The following ADCY7 variants were observed in gnomAD, a reference collection of about 807,000 sequenced individuals.
The protein encoded by ADCY7 is adenylate cyclase 7.
ADCY7 carries 72 observed loss-of-function variants against 120.6 expected under a neutral mutation model. That is an observed-to-expected ratio of 0.60 (90% CI 0.49 to 0.73). ADCY7 has a LOEUF of 0.73. Ranked by LOEUF, ADCY7 falls within the 30% of genes least tolerant of loss-of-function variation. ADCY7 has a pLI of 0.00. For missense variants in ADCY7, 1,227 were observed against 1,486.0 expected, an observed-to-expected ratio of 0.83 and a Z score of 2.87; for synonymous variants, 661 against 628.0, an observed-to-expected ratio of 1.05 and a Z score of -0.78.
chr16:50,291,572 A>G (rs527981875), intron 3 of ADCY7, among the ~76,000 whole-genome samples, 164 bp from the exon 4 acceptor site: 2 of 152,004 alleles, frequency 1.3e-5, no homozygotes, highest in African/African-American at 4.8e-5. Flanking sequence ...CTAGAAACAC[A>G]TTATGGCTTT....
intron 8 of ADCY7, among the ~76,000 whole-genome samples, chr16:50,299,902 C>CA (rs1380127831): frequency 5.3e-5 from 8 of 152,112 alleles, no homozygotes; most frequent in Non-Finnish European, 1.0e-4. Flanking sequence ...CCCTGTGCCC[C>CA]AAGGAAGCTC....
At chr16:50,293,989 TG>T (rs2035175409) in intron 6 of ADCY7, among the ~76,000 whole-genome samples, 1 of 151,902 alleles carries the variant, frequency 6.6e-6, no homozygotes, top group African/African-American at 2.4e-5. Context: ...TGCCGTTGAG[TG>T]TAGATGTGGG....
chr16:50,290,804 C>T, intron 3 of ADCY7, 144 bp downstream of exon 3: 1 of 870,708 alleles, frequency 1.1e-6, no homozygotes, highest in South Asian at 1.8e-5. Context: ...CCTGTGAGTT[C>T]TCTGCATTGA....
Position 50,315,598 on chromosome 16 carries a change from AGGCATGCAGAT to A in ADCY7, c.*97_*107del. On this transcript the variant is annotated 3_prime_UTR_variant, in exon 26 of 26. Transcript: ENST00000673801. ...ACTCTCCGCCCCACGCCAATCCCAA[AGGCATGCAGAT>A]GGCTGTGCATGTTGGCTTCTTTGGA... The A allele has an allele frequency of 6.7e-7, 1 of 1,492,306 alleles. No homozygotes were observed. Among genetic ancestry groups the A allele is most frequent in the South Asian group, 1.2e-5 (1 of 80,824 alleles). 92.4% of individuals were successfully genotyped at this position (1,492,306 alleles called of 1,614,324 possible). A position where few individuals can be genotyped will look rare whatever the true frequency, so the allele number is the denominator to read the frequency against.
At chr16:50,266,321 A>T (rs1310631030), upstream of ADCY7, among the ~76,000 whole-genome samples, 6 of 152,118 alleles carry the variant, frequency 3.9e-5, no homozygotes, top group Admixed American at 3.9e-4. Context: ...TTTTATTATT[A>T]TTTTTTCAAA....
At chr16:50,313,169 C>T (rs1596996589) in intron 22 of ADCY7, 133 bp downstream of exon 22, 7 of 1,274,936 alleles carry the variant, frequency 5.5e-6, no homozygotes, top group Non-Finnish European at 7.4e-6. Flanking sequence ...ATAATCCCAG[C>T]ACTTTGGGAG....
intron 7 of ADCY7, 138 bp from the exon 8 acceptor site, chr16:50,298,766 C>G: frequency 1.6e-6 from 2 of 1,255,932 alleles, no homozygotes; most frequent in South Asian, 1.4e-5. Context: ...AGAAGTGGCT[C>G]CTGGTGACTG....
intron 1 of ADCY7, among the ~76,000 whole-genome samples, chr16:50,282,805 G>A (rs899144517): frequency 4.0e-5 from 6 of 151,496 alleles, no homozygotes; most frequent in Non-Finnish European, 8.8e-5. Flanking sequence ...TGACCTCCTG[G>A]GTTCAAGCAA....
chr16:50,302,953 G>C (rs932859885), intron 10 of ADCY7, among the ~76,000 whole-genome samples: 7 of 152,244 alleles, frequency 4.6e-5, no homozygotes, highest in Admixed American at 1.3e-4. Flanking sequence ...GGGCAAGGTG[G>C]GCTCCTGTGG....
In ADCY7 at chr16:50,288,239, G is replaced by A. The variant is rs765896604; in HGVS notation, c.60G>A (p.Ala20=). The A allele has an allele frequency of 2.1e-5, 33 of 1,551,320 alleles. No individual in the cohort carries two copies. The highest frequency in any genetic ancestry group is 5.5e-5 in the African/African-American group (4 of 73,054). The change falls in exon 2 of 26, where the codon GCG becomes GCA. Residue 20 remains alanine (A), a synonymous_variant. Transcript: ENST00000673801. Reference sequence around the variant, plus strand: ...GCGAGGAGGGCCCTGACCAAGATGCGCTCTACGAGAAGTACCAGCTCACCA... The same window carrying A: ...GCGAGGAGGGCCCTGACCAAGATGCACTCTACGAGAAGTACCAGCTCACCA... ...NEGEEGPDQD[A]LYEKYQLTSQ...
At chr16:50,302,436 A>G (rs1339872654) in intron 10 of ADCY7, among the ~76,000 whole-genome samples, 4 of 152,202 alleles carry the variant, frequency 2.6e-5, no homozygotes, top group Non-Finnish European at 1.5e-5. Context: ...CAGGTTGAGC[A>G]GGGAAAACTG....
intron 1 of ADCY7, among the ~76,000 whole-genome samples, chr16:50,254,273 C>T (rs995896111): frequency 3.3e-5 from 5 of 152,194 alleles, no homozygotes; most frequent in Non-Finnish European, 7.3e-5. Flanking sequence ...TCCGCAGGCT[C>T]CAGCCCATGG....
At chr16:50,292,958 T>A in intron 5 of ADCY7, 133 bp downstream of exon 5, 9 of 1,158,252 alleles carry the variant, frequency 7.8e-6, no homozygotes, top group South Asian at 1.5e-5. Context: ...CCTCGGTGAG[T>A]CCTGGGCTCC....
chr16:50,250,649 A>T (rs965285329), intron 1 of ADCY7, among the ~76,000 whole-genome samples: 1 of 152,028 alleles, frequency 6.6e-6, no homozygotes, highest in African/African-American at 2.4e-5. Context: ...AAAATGCAGT[A>T]TGTGAGCATA....
intron 3 of ADCY7, among the ~76,000 whole-genome samples, chr16:50,291,343 C>G (rs569995921): frequency 3.8e-4 from 1 of 2,640 alleles, no homozygotes; most frequent in African/African-American, 2.3e-3. Context: ...TGGGGCAGCT[C>G]TGGGGGTGGA....
chr16:50,270,277 C>A (rs899676579), intron 1 of ADCY7, among the ~76,000 whole-genome samples: 1 of 152,168 alleles, frequency 6.6e-6, no homozygotes, highest in Non-Finnish European at 1.5e-5. Context: ...TTAGTTGGAA[C>A]TGGAGAATGA....
chr16:50,310,656 C>T (rs747545906), intron 18 of ADCY7, 31 bp from the exon 19 acceptor site: 1 of 1,609,730 alleles, frequency 6.2e-7, no homozygotes, highest in East Asian at 2.2e-5. Context: ...GGTGGGGTGG[C>T]CCTGTCCTGA....
At position 50,305,798 on chromosome 16, in the gene ADCY7, T is replaced by A. The variant is rs770863197; in HGVS notation, c.1701T>A (p.Asp567Glu). 1.2e-5 allele frequency: 19 copies of A among 1,613,970 alleles called. No individual in the cohort carries two copies. The South Asian group carries it at 2.1e-4, about 18-fold the overall frequency. ...SSTRPCCSKS[D>E]DFYTFGSIFL... is the part of the protein sequence containing the mutation. ...ACAGGCCCTGCTGCTCCAAGTCCGA[T>A]GACTTCTACACCTTTGGGTCCATCT... The change falls in exon 14 of 26, where the codon GAT (aspartate) becomes GAA (glutamate). Residue 567 changes from aspartate (D) to glutamate (E), a missense_variant. By Grantham distance (45) the Asp-to-Glu change is conservative. Coordinates refer to ENST00000673801, the MANE Select transcript of ADCY7 (RefSeq NM_001114.5).
In ADCY7 at chr16:50,291,721, A is replaced by G. The variant is rs765699669; in HGVS notation, c.376-15A>G. ...AGCATCTTGGGGCACCGGGCTCACC[A>G]GGCTGCATCCACAGGTGCCCTTCTT... On this transcript the variant is annotated splice_polypyrimidine_tract_variant and intron_variant, in intron 3 of 25. Coordinates refer to ENST00000673801, the MANE Select transcript of ADCY7 (RefSeq NM_001114.5). The G allele has an allele frequency of 1.9e-6, 3 of 1,613,920 alleles. No individual in the cohort carries two copies. The East Asian group carries it at 6.7e-5, about 36-fold the overall frequency.
Sources: allele counts gnomAD v4.1 joint callset (sites outside exome capture counted in the v4.1 genomes callset), GRCh38; gene constraint gnomAD v4.1.1; transcripts MANE v1.5; gene names NCBI Gene and HGNC (gene_info 2026-07-23, HGNC 2026-07-21).